Variants in KCNB2 observed in about 807,000 individuals in gnomAD.
The protein encoded by KCNB2 is delayed rectifier potassium channel protein.
A neutral mutation model predicts 61.5 loss-of-function variants in KCNB2; 15 were observed. That is an observed-to-expected ratio of 0.24 (90% CI 0.16 to 0.38). The LOEUF (loss-of-function observed/expected upper bound fraction) is 0.38. Ranked by LOEUF, KCNB2 falls within the 10% of genes least tolerant of loss-of-function variation. KCNB2 has a pLI of 1.00. For synonymous variants in KCNB2, 457 were observed against 446.0 expected, an observed-to-expected ratio of 1.02 and a Z score of -0.31; for missense variants, 828 against 1,125.2, an observed-to-expected ratio of 0.74 and a Z score of 3.78.
At chr8:72,685,882 G>A (rs760829818) in intron 2 of KCNB2, among the ~76,000 whole-genome samples, 1 of 152,166 alleles carries the variant, frequency 6.6e-6, no homozygotes, top group Non-Finnish European at 1.5e-5. Flanking sequence ...CCAGCTACTC[G>A]GGAGGCTGAG....
At chr8:72,851,840 A>AAAAAAAAAAC (rs1554538995) in intron 2 of KCNB2, among the ~76,000 whole-genome samples, 6 of 134,462 alleles carry the variant, frequency 4.5e-5, no homozygotes, top group African/African-American at 1.5e-4. Context: ...AAAAAAAAAA[A>AAAAAAAAAAC]AAAAAAAACA....
Position 72,937,132 on chromosome 8 carries a change from G to A in KCNB2, c.1777G>A (p.Val593Ile). The change falls in exon 3 of 3, where the codon GTC (valine) becomes ATC (isoleucine). Residue 593 changes from valine to isoleucine, a missense_variant. By Grantham distance (29) the Val-to-Ile change is conservative (BLOSUM62 3). This residue lies in a region of KCNB2 where 559 missense variants were observed against 588.4 expected (regional missense o/e 0.95). Coordinates refer to ENST00000523207, the MANE Select transcript of KCNB2 (RefSeq NM_004770.3). ...GCAGCTGGCCGTGGCACAGACCGAG[G>A]TCATTGTGGACATGAAGAGCACCTC... The part of the protein sequence containing the change: ...QEQLAVAQTE[V>I]IVDMKSTSSI... 6.2e-7 allele frequency: 1 copy of A among 1,614,114 alleles called. No homozygotes were observed. The highest frequency in any genetic ancestry group is 8.5e-7 in the Non-Finnish European group (1 of 1,180,014).
chr8:72,906,098 A>T (rs1001032964), intron 2 of KCNB2, among the ~76,000 whole-genome samples: 1 of 152,212 alleles, frequency 6.6e-6, no homozygotes, highest in Non-Finnish European at 1.5e-5. Flanking sequence ...TCATTTTCAG[A>T]TGAATATCTT....
intron 1 of KCNB2, among the ~76,000 whole-genome samples, chr8:72,551,653 G>A (rs531187494): frequency 1.8e-4 from 28 of 152,082 alleles, no homozygotes; most frequent in Non-Finnish European, 3.4e-4. Flanking sequence ...GAGCAGGGGC[G>A]GTGACTCATC....
chr8:72,581,305 T>C (rs530088998), intron 2 of KCNB2, among the ~76,000 whole-genome samples: 81 of 152,334 alleles, frequency 5.3e-4, no homozygotes, highest in African/African-American at 1.9e-3. Flanking sequence ...GAGGTCTGCC[T>C]GATTCTCTCT....
intron 2 of KCNB2, among the ~76,000 whole-genome samples, chr8:72,714,570 A>C (rs1159612780): frequency 6.6e-6 from 1 of 152,162 alleles, no homozygotes; most frequent in East Asian, 1.9e-4. Context: ...AAGCTTCATA[A>C]GTGAAGGAGA....
At chr8:72,558,627 ATTAT>A (rs1239230335) in intron 1 of KCNB2, among the ~76,000 whole-genome samples, 1 of 152,158 alleles carries the variant, frequency 6.6e-6, no homozygotes, top group Non-Finnish European at 1.5e-5. Flanking sequence ...ATTAAACCCG[ATTAT>A]TTACTTTTTT....
intron 2 of KCNB2, among the ~76,000 whole-genome samples, chr8:72,683,326 A>G (rs1806795063): frequency 6.6e-6 from 1 of 152,230 alleles, no homozygotes; most frequent in African/African-American, 2.4e-5. Flanking sequence ...TACTTATTCC[A>G]TAAATGTTTA....
chr8:72,620,521 C>G (rs1448214227), intron 2 of KCNB2, among the ~76,000 whole-genome samples: 1 of 152,190 alleles, frequency 6.6e-6, no homozygotes, highest in East Asian at 1.9e-4. Context: ...TGTGATAAAG[C>G]CCACTGTCCC....
In KCNB2 at chr8:72,938,111, A is replaced by C; in HGVS notation, c.*20A>C. The C allele has an allele frequency of 1.3e-6, 2 of 1,544,588 alleles. No homozygotes were observed. The highest frequency in any genetic ancestry group is 1.8e-6 in the Non-Finnish European group (2 of 1,138,000). Reference sequence around the variant, plus strand: ...ATGTGACTAGTTACAAAAGCAATAAATTGAAACAAAACAAAACAAAACAAA... The same window carrying C: ...ATGTGACTAGTTACAAAAGCAATAACTTGAAACAAAACAAAACAAAACAAA... On this transcript the variant is annotated 3_prime_UTR_variant, in exon 3 of 3. Coordinates refer to ENST00000523207, the MANE Select transcript of KCNB2 (RefSeq NM_004770.3).
At chr8:72,693,619 C>A (rs752514423) in intron 2 of KCNB2, among the ~76,000 whole-genome samples, 2 of 152,136 alleles carry the variant, frequency 1.3e-5, no homozygotes, top group Non-Finnish European at 2.9e-5. Flanking sequence ...ATAGGCAGTT[C>A]GTAATATTCC....
chr8:72,852,170 G>A (rs1441324099), intron 2 of KCNB2, among the ~76,000 whole-genome samples: 1 of 152,226 alleles, frequency 6.6e-6, no homozygotes, highest in Non-Finnish European at 1.5e-5. Context: ...TGAGGCAGGA[G>A]AATCACTTGA....
chr8:72,537,266 G>A lies in KCNB2; in HGVS notation c.-713G>A, dbSNP rs1296537468. ...GCCGGGCCGGCTAGCTGCGGGGCGG[G>A]GGAGCGGCGCCCCAGAGCGCCCCGC... is the stretch of plus-strand genomic sequence containing the variant. On this transcript the variant is annotated 5_prime_UTR_variant, in exon 1 of 3. Transcript: ENST00000523207. 2 of 151,640 alleles carry A rather than the reference G, an allele frequency of 1.3e-5. No homozygotes were observed. Among genetic ancestry groups the A allele is most frequent in the Non-Finnish European group, 3.0e-5 (2 of 67,782 alleles). 9.4% of individuals were successfully genotyped at this position (151,640 alleles called of 1,614,324 possible).
intron 2 of KCNB2, among the ~76,000 whole-genome samples, chr8:72,898,996 A>G (rs1347913609): frequency 6.6e-6 from 1 of 152,126 alleles, no homozygotes; most frequent in Non-Finnish European, 1.5e-5. Flanking sequence ...GCTGTATAGT[A>G]TTCTGTGGTG....
At chr8:72,756,098 G>C (rs1470595953) in intron 2 of KCNB2, among the ~76,000 whole-genome samples, 1 of 152,194 alleles carries the variant, frequency 6.6e-6, no homozygotes, top group Non-Finnish European at 1.5e-5. Context: ...GCCAAGAAAA[G>C]CCCAGCTCAT....
chr8:72,610,763 A>C (rs1472908813), intron 2 of KCNB2, among the ~76,000 whole-genome samples: 1 of 152,200 alleles, frequency 6.6e-6, no homozygotes, highest in East Asian at 1.9e-4. Flanking sequence ...GAAGGCAAAT[A>C]ACTATTATAA....
intron 2 of KCNB2, among the ~76,000 whole-genome samples, chr8:72,637,275 A>T (rs1805981154): frequency 6.6e-6 from 1 of 152,158 alleles, no homozygotes; most frequent in Non-Finnish European, 1.5e-5. Flanking sequence ...TTCTACTCTT[A>T]AAAAACCTGT....
At chr8:72,784,139 T>G (rs1436187283) in intron 2 of KCNB2, among the ~76,000 whole-genome samples, 2 of 152,178 alleles carry the variant, frequency 1.3e-5, no homozygotes, top group Non-Finnish European at 2.9e-5. Flanking sequence ...TATATATACA[T>G]TGTGTAATGA....
At chr8:72,581,163 G>A (rs1374999249) in intron 2 of KCNB2, among the ~76,000 whole-genome samples, 1 of 151,978 alleles carries the variant, frequency 6.6e-6, no homozygotes, top group East Asian at 1.9e-4. Flanking sequence ...TTTTTTTCTA[G>A]TTTGCTCAAA....
Sources: allele counts gnomAD v4.1 joint callset (sites outside exome capture counted in the v4.1 genomes callset), GRCh38; gene constraint gnomAD v4.1.1; regional missense constraint gnomAD v4.1.1; transcripts MANE v1.5; gene names NCBI Gene and HGNC (gene_info 2026-07-23, HGNC 2026-07-21).